PDK1: variants seen among roughly 807,000 people sequenced by gnomAD.
The protein encoded by PDK1 is [Pyruvate dehydrogenase (acetyl-transferring)] kinase isozyme 1, mitochondrial.
Under a neutral mutation model 54.2 loss-of-function variants are expected in PDK1, and 39 were observed. The ratio of observed to expected loss-of-function variants is 0.72; its 90% CI spans 0.56 to 0.94. The LOEUF (loss-of-function observed/expected upper bound fraction) is 0.94, where lower values mean the gene tolerates loss of function less well. PDK1 is among the 40% of genes least tolerant of loss of function. The pLI, the probability that PDK1 is intolerant of heterozygous loss-of-function variation, is 0.00. For missense variants in PDK1, 552 were observed against 566.0 expected (o/e 0.98, Z 0.25); for synonymous variants, 221 against 207.1 (o/e 1.07, Z -0.58).
the PDK1 span, among the ~76,000 whole-genome samples, chr2:172,633,110 A>G: frequency 2.0e-5 from 3 of 151,940 alleles, no homozygotes; most frequent in South Asian, 2.1e-4. Context: ...TGGAGCAATC[A>G]TAACTCACTC....
the PDK1 span, among the ~76,000 whole-genome samples, chr2:172,624,311 G>A: frequency 6.6e-6 from 1 of 152,174 alleles, no homozygotes; most frequent in Non-Finnish European, 1.5e-5. Context: ...TGGCCTGTAA[G>A]GAACCCGGCT....
intron 10 of PDK1, 132 bp from the exon 11 acceptor site, chr2:172,595,697 G>A (rs1690851708): frequency 1.6e-6 from 1 of 637,480 alleles, no homozygotes; most frequent in African/African-American, 1.8e-5. Context: ...ATATTTAGGT[G>A]GTATAAGGAT....
the PDK1 span, among the ~76,000 whole-genome samples, chr2:172,660,689 C>T: frequency 1.3e-5 from 2 of 152,080 alleles, no homozygotes; most frequent in African/African-American, 4.8e-5. Flanking sequence ...CTCAAGGACA[C>T]TTCTGCTTGG....
intron 8 of PDK1, among the ~76,000 whole-genome samples, chr2:172,581,135 C>T (rs6745412): frequency 0.017 from 2,653 of 152,206 alleles, 74 homozygotes; most frequent in African/African-American, 0.059. Context: ...CTCTGTTGCC[C>T]AGGCTGGAGT....
rs200554249 is a variant in PDK1, at chr2:172,595,878, C to T, written c.1220C>T (p.Ala407Val). 2.8e-5 allele frequency: 45 copies of T among 1,613,754 alleles called. No homozygotes were observed. The East Asian group carries it at 9.4e-4, about 34-fold the overall frequency. Reference sequence around the variant, plus strand: ...AGACTCCCAGTGTATAACAAAGCTGCCTGGAAGCATTACAACACCAACCAC... The same window carrying T: ...AGACTCCCAGTGTATAACAAAGCTGTCTGGAAGCATTACAACACCAACCAC... ...IERLPVYNKAAWKHYNTNHEA... is the reference protein window; with the variant it reads ...IERLPVYNKAVWKHYNTNHEA... The change falls in exon 11 of 11, where the codon GCC (alanine) becomes GTC (valine). Residue 407 changes from alanine (A) to valine (V), a missense_variant. Physicochemically the swap from Ala to Val is moderately conservative, Grantham distance 64. Coordinates refer to ENST00000282077, the MANE Select transcript of PDK1 (RefSeq NM_002610.5).
intron 3 of PDK1, 72 bp downstream of exon 3, chr2:172,562,363 G>C (rs561859162): frequency 7.7e-6 from 7 of 904,996 alleles, no homozygotes; most frequent in South Asian, 6.8e-5. Context: ...TTAACTTTTA[G>C]GTTTCTACTA....
chr2:172,613,109 A>G (rs1020245026), downstream of PDK1, among the ~76,000 whole-genome samples: 3 of 152,240 alleles, frequency 2.0e-5, no homozygotes, highest in African/African-American at 7.2e-5. Context: ...AGTACTGGGC[A>G]TAGAGAACCT....
At chr2:172,685,172 C>T in the PDK1 span, among the ~76,000 whole-genome samples, 9 of 152,178 alleles carry the variant, frequency 5.9e-5, no homozygotes, top group Non-Finnish European at 1.3e-4. Flanking sequence ...ATTACCCAAT[C>T]TCAGGTATTT....
chr2:172,649,897 A>G, the PDK1 span, among the ~76,000 whole-genome samples: 1 of 152,228 alleles, frequency 6.6e-6, no homozygotes, highest in Non-Finnish European at 1.5e-5. Flanking sequence ...GAATGGAACC[A>G]AGTTGGAAAA....
At chr2:172,711,928 A>G in the PDK1 span, among the ~76,000 whole-genome samples, 1 of 148,366 alleles carries the variant, frequency 6.7e-6, no homozygotes, top group Non-Finnish European at 1.5e-5. Context: ...GGAAGAGATT[A>G]TAGAACATTT....
At chr2:172,682,838 G>T in the PDK1 span, among the ~76,000 whole-genome samples, 1 of 152,148 alleles carries the variant, frequency 6.6e-6, no homozygotes, top group South Asian at 2.1e-4. Flanking sequence ...TGGTGGCCTG[G>T]AAAAAGGCAT....
intron 8 of PDK1, among the ~76,000 whole-genome samples, chr2:172,579,525 C>CTTTTTTTTTTTT (rs10660737): frequency 1.6e-5 from 2 of 122,550 alleles, no homozygotes; most frequent in African/African-American, 3.1e-5. Context: ...CCCGCTCTTT[C>CTTTTTTTTTTTT]TTTTTTTTTT....
the PDK1 span, among the ~76,000 whole-genome samples, chr2:172,718,066 T>G: frequency 6.6e-6 from 1 of 152,180 alleles, no homozygotes; most frequent in African/African-American, 2.4e-5. Context: ...TTGAGATGAT[T>G]CATAATGGAA....
chr2:172,586,171 AAAAAG>A, intron 8 of PDK1, 102 bp from the exon 9 acceptor site: 32 of 604,724 alleles, frequency 5.3e-5, no homozygotes, highest in South Asian at 1.5e-4. Flanking sequence ...AAAAAAAAAA[AAAAAG>A]CGCTCTCCCA....
rs1183707418 is a variant in PDK1 at position 172,570,790 on chromosome 2, A to C, written c.911A>C (p.His304Pro). The part of the protein sequence containing the change: ...NRGVYPPIQV[H>P]VTLGNEDLTV... ...GGTGTTTACCCCCCTATTCAAGTTC[A>C]TGTCACGCTGGGTAATGAGGATTTG... is the stretch of plus-strand genomic sequence containing the variant. The change falls in exon 8 of 11, where the codon CAT (histidine) becomes CCT (proline). Residue 304 changes from histidine to proline, a missense_variant. By Grantham distance (77) the His-to-Pro change is moderately conservative. Coordinates refer to ENST00000282077, the MANE Select transcript of PDK1 (RefSeq NM_002610.5). 6.2e-7 allele frequency: 1 copy of C among 1,610,656 alleles called. No individual in the cohort carries two copies. Among genetic ancestry groups the C allele is most frequent in the Non-Finnish European group, 8.5e-7 (1 of 1,177,110 alleles).
chr2:172,718,971 T>G, the PDK1 span, among the ~76,000 whole-genome samples: 1 of 152,162 alleles, frequency 6.6e-6, no homozygotes, highest in South Asian at 2.1e-4. Context: ...CAAAATTGGT[T>G]TTTTTTAGTC....
the PDK1 span, among the ~76,000 whole-genome samples, chr2:172,673,656 T>G: frequency 2.6e-5 from 4 of 152,292 alleles, no homozygotes; most frequent in African/African-American, 9.6e-5. Flanking sequence ...GAATGTAAAC[T>G]TCCATAAAAC....
Position 172,601,369 on chromosome 2 carries a change from C to T in PDK1, c.*5400C>T, listed in dbSNP as rs1691109940. On this transcript the variant is annotated 3_prime_UTR_variant, in exon 11 of 11. Transcript: ENST00000282077. ...AACATACTGATAATGGTTAGGCTTT[C>T]TGTCCCCACCGCACAAATCTCATCT... The T allele has an allele frequency of 6.6e-6, 1 of 152,198 alleles. No individual in the cohort carries two copies. Among genetic ancestry groups the T allele is most frequent in the Admixed American group, 6.5e-5 (1 of 15,286 alleles). 9.4% of individuals were successfully genotyped at this position (152,198 alleles called of 1,614,324 possible).
At chr2:172,716,438 G>A in the PDK1 span, among the ~76,000 whole-genome samples, 1 of 151,928 alleles carries the variant, frequency 6.6e-6, no homozygotes, top group Non-Finnish European at 1.5e-5. Flanking sequence ...CGATTCTCCT[G>A]CCTCACCTCC....
Sources: allele counts gnomAD v4.1 joint callset (sites outside exome capture counted in the v4.1 genomes callset), GRCh38; gene constraint gnomAD v4.1.1; transcripts MANE v1.5; gene names NCBI Gene and HGNC (gene_info 2026-07-23, HGNC 2026-07-21).